VPS26C: variants seen among roughly 807,000 people sequenced by gnomAD.
The protein encoded by VPS26C is VPS26 endosomal protein sorting factor C, also known as vacuolar protein sorting-associated protein 26C.
Under a neutral mutation model 30.6 loss-of-function variants are expected in VPS26C, and 19 were observed. That is an observed-to-expected ratio of 0.62 (90% CI 0.43 to 0.91). The LOEUF (loss-of-function observed/expected upper bound fraction) is 0.91, where lower values mean the gene tolerates loss of function less well. Among genes scored for constraint, VPS26C ranks in the 40% least tolerant of loss-of-function variants. VPS26C has a pLI of 0.00. For missense variants in VPS26C, 318 were observed against 385.1 expected, an observed-to-expected ratio of 0.83 and a Z score of 1.46; for synonymous variants, 132 against 151.5, an observed-to-expected ratio of 0.87 and a Z score of 0.95.
chr21:37,233,184 C>T lies in VPS26C; in HGVS notation c.432+178G>A, dbSNP rs2085983843. ...CAGCTGGGGGACTCTGGGCCCAGGA[C>T]AATGATGCACACGTGATGCGCATGC... On this transcript the variant is annotated intron_variant, in intron 4 of 7. Transcript: ENST00000309117. This position sits in a 1 kb window ranked among gnomAD's most constrained non-coding sequence, Gnocchi z 5.2. The T allele has an allele frequency of 8.4e-6, 5 of 595,856 alleles. No individual in the cohort carries two copies. The South Asian group carries it at 1.0e-4, about 12-fold the overall frequency. The allele number at this position is 595,856 out of a possible 1,614,324, so 36.9% of individuals were successfully genotyped here. A position where few individuals can be genotyped will look rare whatever the true frequency, so the allele number is the denominator to read the frequency against.
chr21:37,234,454 T>C (rs1433015699), intron 3 of VPS26C, among the ~76,000 whole-genome samples: 1 of 152,178 alleles, frequency 6.6e-6, no homozygotes, highest in Non-Finnish European at 1.5e-5. Context: ...GAGCTGGTAT[T>C]GAGCTTAAAG....
chr21:37,252,047 T>C (rs910166598), intron 1 of VPS26C, among the ~76,000 whole-genome samples: 1 of 152,134 alleles, frequency 6.6e-6, no homozygotes, highest in Non-Finnish European at 1.5e-5. Context: ...CCTTCCCTCC[T>C]AAACCACCTG....
At chr21:37,260,675 G>T (rs762199686) in intron 1 of VPS26C, among the ~76,000 whole-genome samples, 20 of 152,100 alleles carry the variant, frequency 1.3e-4, no homozygotes, top group Non-Finnish European at 2.5e-4. Context: ...TCAAACCTTG[G>T]ACAATTTTCT....
At chr21:37,232,870 T>TG (rs2085980467) in intron 4 of VPS26C, among the ~76,000 whole-genome samples, 1 of 152,094 alleles carries the variant, frequency 6.6e-6, no homozygotes, top group South Asian at 2.1e-4. Context: ...GTGGTGGAGC[T>TG]GGGGGGCTGA....
At chr21:37,256,423 A>G (rs1301976273) in intron 1 of VPS26C, among the ~76,000 whole-genome samples, 1 of 152,244 alleles carries the variant, frequency 6.6e-6, no homozygotes, top group East Asian at 1.9e-4. Flanking sequence ...GTATTTTAAT[A>G]TGTATTATTA....
chr21:37,242,638 G>A (rs1229422829), intron 1 of VPS26C, among the ~76,000 whole-genome samples: 1 of 152,138 alleles, frequency 6.6e-6, no homozygotes. Flanking sequence ...AAGTTTACTT[G>A]ACGAATATGT....
intron 6 of VPS26C, 98 bp from the exon 7 acceptor site, chr21:37,227,904 C>A: frequency 6.7e-7 from 1 of 1,485,466 alleles, no homozygotes; most frequent in South Asian, 1.2e-5. Flanking sequence ...CAAGAATCCT[C>A]CAGGGTCCCC....
At position 37,227,815 on chromosome 21, in the gene VPS26C, G is replaced by A; in HGVS notation, c.659-9C>T. ...ATAGCCTTCTGCACACCCTGCGGGA[G>A]GGAGGCCACATCACGCGGTCAGGGC... On this transcript the variant is annotated splice_polypyrimidine_tract_variant and intron_variant, in intron 6 of 7. Transcript: ENST00000309117. 2 of 1,611,006 alleles carry A rather than the reference G, an allele frequency of 1.2e-6. No individual in the cohort carries two copies. Among genetic ancestry groups the A allele is most frequent in the African/African-American group, 2.7e-5 (2 of 74,002 alleles).
At chr21:37,265,254 T>C (rs1007058173) in intron 1 of VPS26C, among the ~76,000 whole-genome samples, 7 of 152,374 alleles carry the variant, frequency 4.6e-5, no homozygotes, top group Admixed American at 1.3e-4. Context: ...TACTGAATTG[T>C]ATACTTTCAA....
intron 3 of VPS26C, among the ~76,000 whole-genome samples, chr21:37,236,915 G>C (rs1409364473): frequency 2.0e-5 from 3 of 152,218 alleles, no homozygotes; most frequent in African/African-American, 7.2e-5. Flanking sequence ...TGTACACACA[G>C]CTCTGCAGCA....
chr21:37,261,433 T>C (rs2086302676), intron 1 of VPS26C: 1 of 152,224 alleles, frequency 6.6e-6, no homozygotes, highest in South Asian at 2.1e-4. Context: ...CCATTTTGAT[T>C]GTCATTCCCA....
At chr21:37,267,360 C>G (rs770778764), upstream of VPS26C, 1 of 1,457,026 alleles carries the variant, frequency 6.9e-7, no homozygotes, top group Non-Finnish European at 9.6e-7. Context: ...AGGGGCGCCT[C>G]CCCGCTTCGT....
upstream of VPS26C, chr21:37,267,586 G>A: frequency 2.0e-6 from 1 of 497,044 alleles, no homozygotes; most frequent in Non-Finnish European, 3.6e-6. Flanking sequence ...CTTCCGTAGG[G>A]ACAGTCTTAC....
At chr21:37,258,272 C>T (rs2086265988) in intron 1 of VPS26C, among the ~76,000 whole-genome samples, 1 of 152,252 alleles carries the variant, frequency 6.6e-6, no homozygotes, top group African/African-American at 2.4e-5. Flanking sequence ...CTGCAGTTCC[C>T]AGGCCGGTTG....
In VPS26C at chr21:37,267,194, C is replaced by A. The variant is rs751261400; in HGVS notation, c.57+44G>T. The stretch of plus-strand genomic sequence containing the variant: ...CGATGGAGACAGCGGAACCTGCAGA[C>A]CCGCCCAACCCCACCTCCATCCCCA... On this transcript the variant is annotated intron_variant, in intron 1 of 7. Transcript: ENST00000309117. 8 of 1,275,908 alleles carry A rather than the reference C, an allele frequency of 6.3e-6. No homozygotes were observed. In the Admixed American group the frequency reaches 1.5e-4, roughly 24 times the overall value. The allele number at this position is 1,275,908 out of a possible 1,614,324, so 79.0% of individuals were successfully genotyped here.
chr21:37,233,510 CAA>C lies in VPS26C; in HGVS notation c.352-70_352-69del, dbSNP rs1324589186. On this transcript the variant is annotated intron_variant, in intron 3 of 7. Transcript: ENST00000309117. The surrounding 1 kb of genome is among the most constrained non-coding windows in gnomAD (Gnocchi z 5.2). ...TTTGCTTTCATCTTGGAATTATATT[CAA>C]AGAGACAAGTCAGTCAACATATTTT... 3 of 1,135,562 alleles carry C rather than the reference CAA, an allele frequency of 2.6e-6. No homozygotes were observed. The highest frequency in any genetic ancestry group is 4.0e-6 in the Non-Finnish European group (3 of 747,520). 70.3% of individuals were successfully genotyped at this position (1,135,562 alleles called of 1,614,324 possible).
chr21:37,250,628 C>T (rs932645200), intron 1 of VPS26C, among the ~76,000 whole-genome samples: 2 of 156 alleles, frequency 0.013, no homozygotes, highest in South Asian at 0.5. Flanking sequence ...AAAGGCTGGG[C>T]GCGGTGCTCA....
At chr21:37,244,042 G>C (rs533875603) in intron 1 of VPS26C, among the ~76,000 whole-genome samples, 1 of 152,124 alleles carries the variant, frequency 6.6e-6, no homozygotes, top group African/African-American at 2.4e-5. Context: ...AGCCTGCTTC[G>C]AGGGGCTCCT....
intron 5 of VPS26C, 77 bp downstream of exon 5, chr21:37,232,300 A>C: frequency 8.2e-7 from 1 of 1,223,008 alleles, no homozygotes; most frequent in Non-Finnish European, 1.2e-6. Flanking sequence ...AATGAAGACC[A>C]CCCGGGCAAT....
Sources: gnomAD v4.1 joint callset for allele counts (sites outside exome capture counted in the v4.1 genomes callset) on GRCh38, gnomAD v4.1.1 for gene constraint, Gnocchi (gnomAD v3.1) non-coding constraint, MANE v1.5 for transcripts, NCBI Gene and HGNC (gene_info 2026-07-23, HGNC 2026-07-21) for gene names.